CEP120: variants seen among roughly 807,000 people sequenced by gnomAD.
The protein encoded by CEP120 is centrosomal protein 120.
CEP120 carries 113 observed loss-of-function variants against 126.5 expected under a neutral mutation model. The ratio of observed to expected loss-of-function variants is 0.89; its 90% CI spans 0.77 to 1.04. The LOEUF is 1.04. CEP120 is among the 50% of genes least tolerant of loss of function. CEP120 has a pLI of 0.00. For synonymous variants in CEP120, 400 were observed against 394.3 expected (o/e 1.01, Z -0.17); for missense variants, 1,230 against 1,155.7 (o/e 1.06, Z -0.93).
At chr5:123,401,064 C>T (rs878971022) in intron 4 of CEP120, 8 of 1,574,780 alleles carry the variant, frequency 5.1e-6, no homozygotes, top group South Asian at 3.3e-5. Context: ...GAGGCCCCCA[C>T]AGGCCGAGCT....
At chr5:123,397,248 G>A (rs978947026) in intron 5 of CEP120, among the ~76,000 whole-genome samples, 3 of 152,042 alleles carry the variant, frequency 2.0e-5, no homozygotes, top group Non-Finnish European at 2.9e-5. Context: ...CACTTGAACC[G>A]GGAAGGCAGA....
rs183271044 is a variant in CEP120 at position 123,391,501 on chromosome 5, C to G, written c.811-164G>C. Among the ~76,000 whole-genome samples, 4 of 152,286 alleles carry G rather than the reference C, an allele frequency of 2.6e-5. No individual in the cohort carries two copies. In the East Asian group the frequency reaches 7.7e-4, roughly 29 times the overall value. ...CGAAGTAATGAATTCTCACACATAA[C>G]TGTTAAAACTGGTGATAAAACACAA... On this transcript the variant is annotated intron_variant, in intron 6 of 19. Coordinates refer to ENST00000306467, the MANE Select transcript of CEP120 (RefSeq NM_001375405.1).
At chr5:123,422,488 A>G (rs1774783284) in intron 1 of CEP120, 1 of 1,534,586 alleles carries the variant, frequency 6.5e-7, no homozygotes, top group East Asian at 2.4e-5. Flanking sequence ...TGTATAATAC[A>G]CCCTCTTAAG....
chr5:123,353,964 C>T (rs929661835), intron 18 of CEP120, among the ~76,000 whole-genome samples: 5 of 152,040 alleles, frequency 3.3e-5, no homozygotes, highest in East Asian at 3.9e-4. Context: ...TTTCCTTGCT[C>T]CCATTTTACT....
chr5:123,388,491 T>C lies in CEP120; in HGVS notation c.1371A>G (p.Ser457=), dbSNP rs1772171589. ...VPATSHHFCF[S]IDLRSIHALE... ...AGGCATGTATACTCCTTAAGTCTATTGAAAAGCAAAAATGATGTGATGTTG... is the reference window on the plus strand; with the variant it reads ...AGGCATGTATACTCCTTAAGTCTATCGAAAAGCAAAAATGATGTGATGTTG... The change falls in exon 9 of 20, where the codon TCA becomes TCG. Residue 457 remains serine, a synonymous_variant. Transcript: ENST00000306467. The C allele has an allele frequency of 6.2e-7, 1 of 1,609,110 alleles. No homozygotes were observed. The highest frequency in any genetic ancestry group is 1.1e-5 in the South Asian group (1 of 90,106).
intron 4 of CEP120, among the ~76,000 whole-genome samples, chr5:123,400,182 T>C (rs944201255): frequency 1.3e-5 from 2 of 152,182 alleles, no homozygotes; most frequent in African/African-American, 2.4e-5. Context: ...GAAAACAGTA[T>C]AATAATTAAG....
At chr5:123,401,255 G>A in intron 4 of CEP120, 1 of 1,611,208 alleles carries the variant, frequency 6.2e-7, no homozygotes, top group African/African-American at 1.3e-5. Context: ...TGTCCTGCTT[G>A]GCCCGCTGCA....
chr5:123,396,615 C>T (rs1009022551), intron 5 of CEP120, among the ~76,000 whole-genome samples: 2 of 152,112 alleles, frequency 1.3e-5, no homozygotes, highest in African/African-American at 4.8e-5. Context: ...TACCTCATTC[C>T]TCATGCACAA....
intron 9 of CEP120, among the ~76,000 whole-genome samples, chr5:123,387,130 C>T (rs1376405863): frequency 6.6e-6 from 1 of 152,052 alleles, no homozygotes; most frequent in Non-Finnish European, 1.5e-5. Context: ...ATCACAAAGC[C>T]ATGCTAGATT....
chr5:123,372,724 G>T lies in CEP120; in HGVS notation c.2407C>A (p.Gln803Lys). 2 of 1,608,048 alleles carry T rather than the reference G, an allele frequency of 1.2e-6. No homozygotes were observed. The highest frequency in any genetic ancestry group is 1.7e-6 in the Non-Finnish European group (2 of 1,177,056). Residue 803 changes from glutamine to lysine, a missense_variant, in exon 17 of 20, where the codon CAG becomes AAG. Physicochemically the swap from Gln to Lys is moderately conservative, Grantham distance 53. Transcript: ENST00000306467. The part of the protein sequence containing the change: ...KYKILEKEFQ[Q>K]FKDQQNNKPE... ...TTGTTGTTTTGCTGGTCCTTGAACT[G>T]TTGGAACTCTTTTTCCAAAATCTTA... is the stretch of plus-strand genomic sequence containing the variant.
At chr5:123,415,233 G>A (rs915894089) in intron 3 of CEP120, among the ~76,000 whole-genome samples, 2 of 152,076 alleles carry the variant, frequency 1.3e-5, no homozygotes, top group Non-Finnish European at 2.9e-5. Flanking sequence ...AGTTTGGGGT[G>A]GCAGCAGTGA....
chr5:123,400,870 C>A (rs937721592), intron 4 of CEP120: 15 of 1,123,812 alleles, frequency 1.3e-5, no homozygotes, highest in African/African-American at 9.2e-5. Flanking sequence ...CCCTCCCAGG[C>A]TCTGGGGCAG....
rs199509467 is a variant in CEP120 at position 123,386,606 on chromosome 5, G to C, written c.1492C>G (p.Arg498Gly). The C allele has an allele frequency of 3.2e-6, 5 of 1,568,430 alleles. No homozygotes were observed. Among genetic ancestry groups the C allele is most frequent in the Non-Finnish European group, 2.6e-6 (3 of 1,160,828 alleles). The change falls in exon 10 of 20, where the codon CGG becomes GGG. Residue 498 changes from arginine to glycine, a missense_variant. Transcript: ENST00000306467. Reference sequence around the variant, plus strand: ...GGAAGAAAAACTTCCATGTTTTTCCGAACTTCTACAGGAGGATTAGTCATA... The same window carrying C: ...GGAAGAAAAACTTCCATGTTTTTCCCAACTTCTACAGGAGGATTAGTCATA... The part of the protein sequence containing the change: ...PIMTNPPVEV[R>G]KNMEVFLPQS...
chr5:123,390,545 T>C (rs1772324476), intron 7 of CEP120, among the ~76,000 whole-genome samples: 1 of 152,228 alleles, frequency 6.6e-6, no homozygotes, highest in Admixed American at 6.5e-5. Flanking sequence ...TGTATATGTA[T>C]CTTTTAAACA....
chr5:123,346,249 A>AAGTT lies in CEP120; in HGVS notation c.*266_*269dup, dbSNP rs1412989621. On this transcript the variant is annotated 3_prime_UTR_variant, in exon 20 of 20. Coordinates refer to ENST00000306467, the MANE Select transcript of CEP120 (RefSeq NM_001375405.1). ...CAAACTTAGTTAAAAGCTGTTTTGAAAGTTAGTTAGCCATCAGATTATAAA... is the reference window on the plus strand; with the variant it reads ...CAAACTTAGTTAAAAGCTGTTTTGAAAGTTAGTTAGTTAGCCATCAGATTATAAA... The AAGTT allele has an allele frequency of 9.4e-6, 3 of 320,302 alleles. No individual in the cohort carries two copies. Among genetic ancestry groups the AAGTT allele is most frequent in the East Asian group, 1.1e-4 (2 of 17,466 alleles). 19.8% of individuals were successfully genotyped at this position (320,302 alleles called of 1,614,324 possible). A position where few individuals can be genotyped will look rare whatever the true frequency, so the allele number is the denominator to read the frequency against.
At chr5:123,377,590 T>C (rs1201723219) in intron 15 of CEP120, 55 bp from the exon 16 acceptor site, 1 of 1,340,816 alleles carries the variant, frequency 7.5e-7, no homozygotes, top group Non-Finnish European at 1.0e-6. Flanking sequence ...CATTATACTA[T>C]TCGATATTCC....
intron 4 of CEP120, 26 bp downstream of exon 4, chr5:123,412,373 A>C (rs202102226): frequency 6.3e-7 from 1 of 1,582,136 alleles, no homozygotes; most frequent in African/African-American, 1.4e-5. Context: ...CTTCTCAGAG[A>C]ATGTTTTTAG....
At chr5:123,394,828 CTG>C (rs1222111581) in intron 5 of CEP120, among the ~76,000 whole-genome samples, 2 of 152,212 alleles carry the variant, frequency 1.3e-5, no homozygotes, top group Admixed American at 6.5e-5. Flanking sequence ...ATCACAAATT[CTG>C]GAGTCAGATC....
intron 3 of CEP120, among the ~76,000 whole-genome samples, chr5:123,413,393 T>G (rs902201489): frequency 6.6e-6 from 1 of 152,156 alleles, no homozygotes; most frequent in Non-Finnish European, 1.5e-5. Flanking sequence ...TGGTGGATTA[T>G]GAACCAGGTA....
Sources: allele counts gnomAD v4.1 joint callset (sites outside exome capture counted in the v4.1 genomes callset), GRCh38; gene constraint gnomAD v4.1.1; transcripts MANE v1.5; gene names NCBI Gene and HGNC (gene_info 2026-07-23, HGNC 2026-07-21).